ASIC2: variants seen among roughly 807,000 people sequenced by gnomAD.
The protein encoded by ASIC2 is acid-sensing ion channel 2.
Under a neutral mutation model 57.3 loss-of-function variants are expected in ASIC2, and 25 were observed. That is an observed-to-expected ratio of 0.44 (90% CI 0.32 to 0.61). ASIC2 has a LOEUF of 0.61. ASIC2 is among the 20% of genes least tolerant of loss of function. ASIC2 has a pLI of 0.06. For missense variants in ASIC2, 641 were observed against 738.1 expected (o/e 0.87, Z 1.52); for synonymous variants, 319 against 307.5 (o/e 1.04, Z -0.39).
rs146896064 is a variant in ASIC2, at chr17:34,082,115, C to T, written c.555+73863G>A. On this transcript the variant is annotated intron_variant, in intron 1 of 9. Transcript: ENST00000359872. ...ATCCACGAATACAAATCCCAGCATG[C>T]TTAAAGGTCTTTCTCAAGTTCTTCC... is the stretch of plus-strand genomic sequence containing the variant. 9 of 152,308 alleles carry T rather than the reference C, an allele frequency of 5.9e-5. No individual in the cohort carries two copies. The East Asian group carries it at 1.7e-3, about 29-fold the overall frequency. The allele number at this position is 152,308 out of a possible 1,614,324, so 9.4% of individuals were successfully genotyped here. A position where few individuals can be genotyped will look rare whatever the true frequency, so the allele number is the denominator to read the frequency against.
chr17:33,727,957 G>A lies in ASIC2; in HGVS notation c.555+428021C>T, dbSNP rs72812997. On this transcript the variant is annotated intron_variant, in intron 1 of 9. Coordinates refer to the ASIC2 transcript ENST00000359872. ...CATCTTCTTTTCTTGGGCACCTTTG[G>A]GTTTAAAGCCTTTGCCCTCCAAGGG... Among the ~76,000 whole-genome samples the A allele has an allele frequency of 2.1e-3, 314 of 152,224 alleles. 2 individuals are homozygous for A. The highest frequency in any genetic ancestry group is 3.5e-3 in the Non-Finnish European group (238 of 68,012).
At chr17:33,054,232 C>T (rs2091988902) in intron 3 of ASIC2, among the ~76,000 whole-genome samples, 1 of 152,150 alleles carries the variant, frequency 6.6e-6, no homozygotes, top group Admixed American at 6.5e-5. Context: ...CATCTCCTGC[C>T]AGCCTTTAAG....
chr17:33,918,665 T>C (rs1339558566), intron 1 of ASIC2, among the ~76,000 whole-genome samples: 2 of 152,168 alleles, frequency 1.3e-5, no homozygotes, highest in Non-Finnish European at 2.9e-5. Flanking sequence ...CCATTAATAA[T>C]TTTCTAGAAA....
chr17:33,683,263 T>A lies in ASIC2; in HGVS notation c.555+472715A>T, dbSNP rs143460005. Among the ~76,000 whole-genome samples the A allele has an allele frequency of 4.1e-3, 627 of 152,356 alleles. 4 individuals are homozygous for A. Among genetic ancestry groups the A allele is most frequent in the Non-Finnish European group, 5.7e-3 (390 of 68,030 alleles). On this transcript the variant is annotated intron_variant, in intron 1 of 9. Transcript: ENST00000359872. ...TTTGTATTTTAGTAGAGATGGGGTTTCACCATGTTAACTAGGATGGTCTCG... is the reference window on the plus strand; with the variant it reads ...TTTGTATTTTAGTAGAGATGGGGTTACACCATGTTAACTAGGATGGTCTCG...
rs113624205 is a variant in ASIC2 at position 33,178,714 on chromosome 17, G to C, written c.709-66647C>G. Among the ~76,000 whole-genome samples the C allele has an allele frequency of 8.7e-3, 1,321 of 152,324 alleles. 19 individuals carry two copies. The highest frequency in any genetic ancestry group is 0.03 in the African/African-American group (1,243 of 41,556). ...TACACTGCGTCCCTCCACCAACCTA[G>C]AGGATCAGTTTCCAATGTTCCTTTT... On this transcript the variant is annotated intron_variant, in intron 1 of 9. Transcript: ENST00000225823.
chr17:34,130,042 C>T (rs1040023041), intron 1 of ASIC2, among the ~76,000 whole-genome samples: 3 of 152,208 alleles, frequency 2.0e-5, no homozygotes, highest in African/African-American at 7.2e-5. Flanking sequence ...TGGAAACTTG[C>T]ACCTTGCCAT....
At chr17:34,099,435 AAAAGAAAGAGAAAGAAAGAAAAG>A (rs1910728554) in intron 1 of ASIC2, among the ~76,000 whole-genome samples, 1 of 129,952 alleles carries the variant, frequency 7.7e-6, no homozygotes, top group East Asian at 2.4e-4. Flanking sequence ...AAGAAAGAAG[AAAAGAAAGAGAAAGAAAGAAAAG>A]AAAGAAAGAG....
At chr17:33,756,682 A>C (rs1219255903) in intron 1 of ASIC2, among the ~76,000 whole-genome samples, 1 of 152,196 alleles carries the variant, frequency 6.6e-6, no homozygotes, top group African/African-American at 2.4e-5. Context: ...TAGGAAAGTT[A>C]CTAAACACTT....
chr17:33,195,152 G>C (rs1171278893), intron 1 of ASIC2, among the ~76,000 whole-genome samples: 1 of 152,150 alleles, frequency 6.6e-6, no homozygotes, highest in Non-Finnish European at 1.5e-5. Context: ...AATTTAAAAA[G>C]TGAGATGTCA....
intron 3 of ASIC2, among the ~76,000 whole-genome samples, chr17:33,063,585 G>T (rs1199528017): frequency 7.2e-5 from 11 of 152,156 alleles, no homozygotes; most frequent in Non-Finnish European, 1.5e-4. Context: ...CTCTCTGGCT[G>T]CCCTTAACAT....
chr17:33,632,300 A>G (rs1184042754), intron 1 of ASIC2, among the ~76,000 whole-genome samples: 1 of 152,222 alleles, frequency 6.6e-6, no homozygotes, highest in Admixed American at 6.5e-5. Flanking sequence ...CAATAATAAT[A>G]TGATACATCA....
At chr17:33,346,297 T>C (rs545954058) in intron 1 of ASIC2, among the ~76,000 whole-genome samples, 17 of 150,006 alleles carry the variant, frequency 1.1e-4, no homozygotes, top group Admixed American at 3.3e-4. Context: ...ATGTACATTT[T>C]CCAATGTATT....
intron 1 of ASIC2, among the ~76,000 whole-genome samples, chr17:33,132,293 G>A (rs1472324464): frequency 5.3e-5 from 8 of 152,182 alleles, no homozygotes; most frequent in Non-Finnish European, 1.0e-4. Context: ...GGTAGTTAGT[G>A]AATTTCCCTT....
At chr17:33,679,880 G>A (rs904618024) in intron 1 of ASIC2, among the ~76,000 whole-genome samples, 1 of 152,204 alleles carries the variant, frequency 6.6e-6, no homozygotes, top group African/African-American at 2.4e-5. Context: ...GCTGAAAAGG[G>A]AGAGGCAGGA....
intron 1 of ASIC2, among the ~76,000 whole-genome samples, chr17:33,587,886 A>G (rs1274307656): frequency 1.3e-5 from 2 of 151,722 alleles, no homozygotes; most frequent in African/African-American, 4.8e-5. Context: ...TTTTCCTCCC[A>G]CTCGCTCCCA....
intron 1 of ASIC2, among the ~76,000 whole-genome samples, chr17:33,210,311 C>G (rs1433816825): frequency 6.6e-6 from 1 of 152,236 alleles, no homozygotes; most frequent in Non-Finnish European, 1.5e-5. Flanking sequence ...TGAGCCGCCT[C>G]TGAGCTGAGC....
chr17:33,753,639 G>A lies in ASIC2; in HGVS notation c.555+402339C>T, dbSNP rs184968738. ...CATACACACAAAAAAGGGAAGTGAC[G>A]TAAGGAAATCGGAAGTGAGATACAG... On this transcript the variant is annotated intron_variant, in intron 1 of 9. Coordinates refer to the ASIC2 transcript ENST00000359872. Among the ~76,000 whole-genome samples, 6 of 152,328 alleles carry A rather than the reference G, an allele frequency of 3.9e-5. No individual in the cohort carries two copies. The East Asian group carries it at 5.8e-4, about 15-fold the overall frequency.
At chr17:33,619,506 C>T (rs1174478123) in intron 1 of ASIC2, among the ~76,000 whole-genome samples, 1 of 152,136 alleles carries the variant, frequency 6.6e-6, no homozygotes, top group Admixed American at 6.5e-5. Flanking sequence ...AGCACGAATT[C>T]ACAGAATCAT....
At chr17:33,538,959 T>A (rs1597773955) in intron 1 of ASIC2, among the ~76,000 whole-genome samples, 1 of 152,098 alleles carries the variant, frequency 6.6e-6, no homozygotes, top group Admixed American at 6.5e-5. Context: ...ACTCTCATTT[T>A]CCCCCACTTC....
Sources: gnomAD v4.1 joint callset for allele counts (sites outside exome capture counted in the v4.1 genomes callset) on GRCh38, gnomAD v4.1.1 for gene constraint, MANE v1.5 for transcripts, NCBI Gene and HGNC (gene_info 2026-07-23, HGNC 2026-07-21) for gene names.